Variants in COL23A1 observed in about 807,000 individuals in gnomAD.
COL23A1 encodes the protein collagen alpha-1(XXIII) chain.
In COL23A1, 97 loss-of-function variants were observed where a neutral mutation model predicts 99.3. That is an observed-to-expected ratio of 0.98 (90% confidence interval 0.83 to 1.16). The LOEUF (loss-of-function observed/expected upper bound fraction) is 1.16, where lower values mean the gene tolerates loss of function less well. COL23A1 is among the 50% of genes most tolerant of loss of function. The pLI is 0.00. For synonymous variants in COL23A1, 320 were observed against 308.2 expected, an observed-to-expected ratio of 1.04 and a Z score of -0.40; for missense variants, 762 against 757.4, an observed-to-expected ratio of 1.01 and a Z score of -0.07.
At chr5:178,484,195 A>C (rs1219267910) in intron 2 of COL23A1, among the ~76,000 whole-genome samples, 1 of 152,082 alleles carries the variant, frequency 6.6e-6, no homozygotes, top group Non-Finnish European at 1.5e-5. Context: ...AAGTGCTGGG[A>C]TTACAGGTGT....
intron 2 of COL23A1, among the ~76,000 whole-genome samples, chr5:178,336,244 C>T (rs1322518965): frequency 6.6e-6 from 1 of 152,154 alleles, no homozygotes; most frequent in Non-Finnish European, 1.5e-5. Context: ...GGTATATATC[C>T]CAAATAACTG....
intron 2 of COL23A1, among the ~76,000 whole-genome samples, chr5:178,486,845 A>G (rs1757658681): frequency 6.6e-6 from 1 of 152,216 alleles, no homozygotes; most frequent in Non-Finnish European, 1.5e-5. Flanking sequence ...TTGGACTTCA[A>G]GCTGATGCTA....
intron 2 of COL23A1, among the ~76,000 whole-genome samples, chr5:178,400,595 G>A (rs895979058): frequency 2.0e-5 from 3 of 151,700 alleles, no homozygotes; most frequent in African/African-American, 7.3e-5. Context: ...ACAATTCAAT[G>A]ACATTAAGTA....
chr5:178,359,445 T>G (rs1266464916), intron 2 of COL23A1, among the ~76,000 whole-genome samples: 1 of 152,172 alleles, frequency 6.6e-6, no homozygotes, highest in East Asian at 1.9e-4. Context: ...GGAGAATTGC[T>G]TGAACCCGGG....
rs554552606 is a variant in COL23A1 at position 178,386,584 on chromosome 5, AG to A, written c.362-79666del. ...AGGATATGAGTCTGTGTGTCACCAGAGGGGGGTCGGGGTGGGTGAGTGTTTG... is the reference window on the plus strand; with the variant it reads ...AGGATATGAGTCTGTGTGTCACCAGAGGGGGTCGGGGTGGGTGAGTGTTTG... On this transcript the variant is annotated intron_variant, in intron 2 of 28. Transcript: ENST00000390654. 3.0e-3 allele frequency among the ~76,000 whole-genome samples: 450 copies of A among 149,592 alleles called. 2 individuals are homozygous for A. Among genetic ancestry groups the A allele is most frequent in the Middle Eastern group, 6.9e-3 (2 of 288 alleles).
intron 2 of COL23A1, among the ~76,000 whole-genome samples, chr5:178,500,570 A>T (rs188003643): frequency 6.6e-6 from 1 of 151,336 alleles, no homozygotes; most frequent in African/African-American, 2.4e-5. Flanking sequence ...GCACCACTGT[A>T]CTCTAGGCTG....
At chr5:178,256,980 G>A (rs765580084) in intron 13 of COL23A1, 52 bp from the exon 14 acceptor site, 5 of 1,569,534 alleles carry the variant, frequency 3.2e-6, no homozygotes, top group Admixed American at 1.7e-5. Flanking sequence ...CACGTGGCGG[G>A]TGCCTTGGAG....
At chr5:178,531,123 T>C (rs1183709726) in intron 2 of COL23A1, among the ~76,000 whole-genome samples, 1 of 152,180 alleles carries the variant, frequency 6.6e-6, no homozygotes, top group Non-Finnish European at 1.5e-5. Context: ...TGCCTCGGCC[T>C]CTCGAAGTGG....
At chr5:178,423,697 C>T (rs904410801) in intron 2 of COL23A1, among the ~76,000 whole-genome samples, 7 of 152,124 alleles carry the variant, frequency 4.6e-5, no homozygotes, top group Non-Finnish European at 4.4e-5. Flanking sequence ...TACTCTAGCA[C>T]GGCAGTCCTG....
rs545153306 is a variant in COL23A1 at position 178,552,034 on chromosome 5, G to T, written c.361+8648C>A. The stretch of plus-strand genomic sequence containing the variant: ...ATCCCCCATCCCAGGTGGCTAACCT[G>T]ACAACCAGTCTTCAAAACCTTGCCC... On this transcript the variant is annotated intron_variant, in intron 2 of 28. Transcript: ENST00000390654. Among the ~76,000 whole-genome samples the T allele has an allele frequency of 1.7e-4, 26 of 152,248 alleles. No individual in the cohort carries two copies. The East Asian group carries it at 2.7e-3, about 16-fold the overall frequency.
In COL23A1 at chr5:178,589,826, T is replaced by G; in HGVS notation, c.294+78A>C. The G allele has an allele frequency of 1.7e-6, 2 of 1,204,132 alleles. No homozygotes were observed. Among genetic ancestry groups the G allele is most frequent in the Non-Finnish European group, 2.1e-6 (2 of 962,080 alleles). 74.6% of individuals were successfully genotyped at this position (1,204,132 alleles called of 1,614,324 possible). On this transcript the variant is annotated intron_variant, in intron 1 of 28. Transcript: ENST00000390654. The surrounding 1 kb of genome is among the most constrained non-coding windows in gnomAD (Gnocchi z 5.4). The stretch of plus-strand genomic sequence containing the variant: ...ACCCTCCTCCCAGAGACCTGCACGC[T>G]GCCCCCGGCTCCCAGCGTACCGCCA...
intron 2 of COL23A1, chr5:178,351,120 C>T (rs963474580): frequency 6.6e-6 from 1 of 152,268 alleles, no homozygotes; most frequent in African/African-American, 2.4e-5. Context: ...GCACTCATGC[C>T]CAGCAAGAGA....
rs576535416 is a variant in COL23A1 at position 178,325,632 on chromosome 5, C to T, written c.362-18713G>A. On this transcript the variant is annotated intron_variant, in intron 2 of 28. Coordinates refer to ENST00000390654, the MANE Select transcript of COL23A1 (RefSeq NM_173465.4). ...GATTACTTAGCACACTGGGATGGAG[C>T]CGTCTGCCCATCAGTCCCATTGCCA... is the stretch of plus-strand genomic sequence containing the variant. Among the ~76,000 whole-genome samples the T allele has an allele frequency of 1.1e-4, 16 of 152,334 alleles. No homozygotes were observed. The South Asian group carries it at 2.7e-3, about 26-fold the overall frequency.
Position 178,306,983 on chromosome 5 carries a change from C to T in COL23A1, c.362-64G>A. The T allele has an allele frequency of 8.1e-7, 1 of 1,241,898 alleles. No homozygotes were observed. The highest frequency in any genetic ancestry group is 1.1e-6 in the Non-Finnish European group (1 of 928,510). The allele number at this position is 1,241,898 out of a possible 1,614,324, so 76.9% of individuals were successfully genotyped here. A position where few individuals can be genotyped will look rare whatever the true frequency, so the allele number is the denominator to read the frequency against. On this transcript the variant is annotated intron_variant, in intron 2 of 28. Coordinates refer to ENST00000390654, the MANE Select transcript of COL23A1 (RefSeq NM_173465.4). This position sits in a 1 kb window ranked among gnomAD's most constrained non-coding sequence, Gnocchi z 4.1. ...AGCCAGTGGACTTGGCTGCGTGGGG[C>T]ATGCCCCAGCCACCCACCTGTCCGC...
chr5:178,492,855 G>T (rs1348658006), intron 2 of COL23A1, among the ~76,000 whole-genome samples: 2 of 152,064 alleles, frequency 1.3e-5, no homozygotes, highest in Non-Finnish European at 2.9e-5. Context: ...CTAATCCCAG[G>T]ACGCTGGTTA....
chr5:178,574,643 T>G (rs970743877), intron 1 of COL23A1, among the ~76,000 whole-genome samples: 1 of 152,182 alleles, frequency 6.6e-6, no homozygotes, highest in African/African-American at 2.4e-5. Flanking sequence ...ATATACACAC[T>G]GTGAGAGAGA....
At chr5:178,465,498 G>C (rs1384199170) in intron 2 of COL23A1, among the ~76,000 whole-genome samples, 1 of 152,158 alleles carries the variant, frequency 6.6e-6, no homozygotes, top group Non-Finnish European at 1.5e-5. Flanking sequence ...TCTGACATGG[G>C]CCTCCGAGCA....
At chr5:178,353,027 G>A (rs973196814) in intron 2 of COL23A1, among the ~76,000 whole-genome samples, 96 of 152,308 alleles carry the variant, frequency 6.3e-4, no homozygotes, top group African/African-American at 2.3e-3. Flanking sequence ...CATACGCTTT[G>A]ATCTAGCAAC....
intron 2 of COL23A1, among the ~76,000 whole-genome samples, chr5:178,503,632 G>A (rs527896554): frequency 6.6e-6 from 1 of 152,294 alleles, no homozygotes; most frequent in South Asian, 2.1e-4. Context: ...GTAAACGCAT[G>A]TGTGTGCCTG....
Sources: allele counts gnomAD v4.1 joint callset (sites outside exome capture counted in the v4.1 genomes callset), GRCh38; gene constraint gnomAD v4.1.1; non-coding constraint Gnocchi (gnomAD v3.1); transcripts MANE v1.5; gene names NCBI Gene and HGNC (gene_info 2026-07-23, HGNC 2026-07-21).